The following FHOD3 variants were observed in gnomAD, a reference collection of about 807,000 sequenced individuals.
The protein encoded by FHOD3 is FH1/FH2 domain-containing protein 3.
A neutral mutation model predicts 173.0 loss-of-function variants in FHOD3; 90 were observed. That is an observed-to-expected ratio of 0.52 (90% CI 0.44 to 0.62). The LOEUF is 0.62. FHOD3 is among the 20% of genes least tolerant of loss of function. The pLI is 0.00. For synonymous variants in FHOD3, 828 were observed against 823.0 expected (o/e 1.01, Z -0.10); for missense variants, 1,945 against 2,034.7 (o/e 0.96, Z 0.85).
Position 36,649,392 on chromosome 18 carries a change from C to T in FHOD3, c.1273C>T (p.Gln425Ter). ...EEEREDDASC[Q>*]GKDSKVGAAS... ...AGAGAGAGAGGATGATGCTTCCTGT[C>T]AGGGCAAGGACAGGTACCTAGGACT... Residue 425 changes from glutamine to a stop codon, truncating the protein, a stop_gained, in exon 11 of 29, where the codon CAG becomes TAG. Coordinates refer to ENST00000590592, the MANE Select transcript of FHOD3 (RefSeq NM_001281740.3). LOFTEE classifies it high-confidence loss of function. 3 of 1,535,520 alleles carry T rather than the reference C, an allele frequency of 2.0e-6. No individual in the cohort carries two copies. The highest frequency in any genetic ancestry group is 2.6e-6 in the Non-Finnish European group (3 of 1,146,612).
chr18:36,390,302 G>A (rs1250445326), intron 3 of FHOD3, among the ~76,000 whole-genome samples: 1 of 152,176 alleles, frequency 6.6e-6, no homozygotes, highest in Non-Finnish European at 1.5e-5. Flanking sequence ...GCTTGGAGGA[G>A]CATGGCTGTG....
At chr18:36,543,255 T>C (rs200926480) in intron 5 of FHOD3, among the ~76,000 whole-genome samples, 13,346 of 152,154 alleles carry the variant, frequency 0.088, 723 homozygotes, top group South Asian at 0.22. Flanking sequence ...TGTGTATATA[T>C]ACATATTATA....
At chr18:36,485,112 C>G (rs892561237) in intron 3 of FHOD3, among the ~76,000 whole-genome samples, 1 of 151,232 alleles carries the variant, frequency 6.6e-6, no homozygotes, top group Non-Finnish European at 1.5e-5. Context: ...GTCTTCACAG[C>G]CAACAAGAAC....
chr18:36,562,445 G>T (rs920720414), intron 5 of FHOD3, among the ~76,000 whole-genome samples: 1 of 152,240 alleles, frequency 6.6e-6, no homozygotes, highest in South Asian at 2.1e-4. Context: ...TATGTTGCAT[G>T]ATATGATTTA....
rs545624410 is a variant in FHOD3, at chr18:36,625,569, G to A, written c.1016G>A (p.Arg339Gln). 105 of 1,527,728 alleles carry A rather than the reference G, an allele frequency of 6.9e-5. 2 individuals carry two copies. In the South Asian group the frequency reaches 1.0e-3, roughly 15 times the overall value. 94.6% of individuals were successfully genotyped at this position (1,527,728 alleles called of 1,614,324 possible). The change falls in exon 10 of 29, where the codon CGG becomes CAG. Residue 339 changes from arginine (R) to glutamine (Q), a missense_variant. Arg to Gln is a conservative substitution (Grantham distance 43, BLOSUM62 1). Around this residue, in one of 5 missense-constraint regions of FHOD3, gnomAD observed 1,099 missense variants for 1,051.2 expected, o/e 1.05. Coordinates refer to ENST00000590592, the MANE Select transcript of FHOD3 (RefSeq NM_001281740.3). ...ACGGAGCCACCCCCCAGTGGGTGCC[G>A]GGACCGGAGGAGGGCCAGCGTGTGT... Reference protein sequence around the residue: ...ETTEPPPSGCRDRRRASVCSS... With the variant: ...ETTEPPPSGCQDRRRASVCSS...
chr18:36,543,283 T>C (rs1181267974), intron 5 of FHOD3, among the ~76,000 whole-genome samples: 1 of 152,170 alleles, frequency 6.6e-6, no homozygotes, highest in Non-Finnish European at 1.5e-5. Flanking sequence ...CAATATACTT[T>C]ATATAAATAT....
At chr18:36,523,357 G>A (rs1397511567) in intron 5 of FHOD3, among the ~76,000 whole-genome samples, 1 of 152,198 alleles carries the variant, frequency 6.6e-6, no homozygotes, top group Non-Finnish European at 1.5e-5. Context: ...AGTGGTTTTT[G>A]ACTGAAGACA....
In FHOD3 at chr18:36,652,829, C is replaced by T; in HGVS notation, c.1546C>T (p.Pro516Ser). The change falls in exon 12 of 29, where the codon CCC (proline) becomes TCC (serine). Residue 516 changes from proline to serine, a missense_variant. Pro to Ser is a moderately conservative substitution (Grantham distance 74). This residue lies in a region of FHOD3 where 1,099 missense variants were observed against 1,051.2 expected (regional missense o/e 1.05). Coordinates refer to ENST00000590592, the MANE Select transcript of FHOD3 (RefSeq NM_001281740.3). ...GGTGTCACCGACCATAGACAAGCTGCCCTACGTGCCCCACAGCCCCTTCCA... is the reference window on the plus strand; with the variant it reads ...GGTGTCACCGACCATAGACAAGCTGTCCTACGTGCCCCACAGCCCCTTCCA... ...LKVSPTIDKL[P>S]YVPHSPFHLF... 6.5e-7 allele frequency: 1 copy of T among 1,536,014 alleles called. No individual in the cohort carries two copies. The highest frequency in any genetic ancestry group is 8.7e-7 in the Non-Finnish European group (1 of 1,146,746).
At chr18:36,356,671 T>C (rs915666762) in intron 2 of FHOD3, among the ~76,000 whole-genome samples, 1 of 151,784 alleles carries the variant, frequency 6.6e-6, no homozygotes, top group Non-Finnish European at 1.5e-5. Flanking sequence ...AATCTCGCTC[T>C]GTCACCCAGG....
intron 3 of FHOD3, among the ~76,000 whole-genome samples, chr18:36,460,703 A>G (rs1247720219): frequency 6.6e-6 from 1 of 152,152 alleles, no homozygotes; most frequent in Non-Finnish European, 1.5e-5. Context: ...TTGAATCCTG[A>G]TTCCCCCATT....
chr18:36,625,854 C>T, intron 10 of FHOD3, 105 bp downstream of exon 10: 1 of 927,752 alleles, frequency 1.1e-6, no homozygotes, highest in Non-Finnish European at 1.6e-6. Flanking sequence ...TTGTCCCCCA[C>T]CCAGCATTGC....
intron 5 of FHOD3, among the ~76,000 whole-genome samples, chr18:36,516,408 C>T (rs1306070821): frequency 6.6e-6 from 1 of 152,202 alleles, no homozygotes; most frequent in Non-Finnish European, 1.5e-5. Context: ...TGCATTGTGG[C>T]TTCCAAGGGA....
At chr18:36,323,165 G>A (rs1467433803) in intron 1 of FHOD3, among the ~76,000 whole-genome samples, 1 of 152,170 alleles carries the variant, frequency 6.6e-6, no homozygotes, top group Non-Finnish European at 1.5e-5. Flanking sequence ...ACTCAGAAAG[G>A]GGGCACCCGG....
intron 7 of FHOD3, among the ~76,000 whole-genome samples, chr18:36,600,349 G>A (rs1335745789): frequency 1.3e-5 from 2 of 151,948 alleles, no homozygotes; most frequent in Non-Finnish European, 2.9e-5. Context: ...GAGAGTGAGT[G>A]GACCCCATAA....
intron 4 of FHOD3, 105 bp downstream of exon 4, chr18:36,502,104 G>T: frequency 1.6e-6 from 1 of 620,476 alleles, no homozygotes. Flanking sequence ...GACAAATTTA[G>T]ATTACAATAT....
At chr18:36,605,180 C>T (rs1205412087) in intron 8 of FHOD3, among the ~76,000 whole-genome samples, 4 of 152,196 alleles carry the variant, frequency 2.6e-5, no homozygotes, top group African/African-American at 9.7e-5. Flanking sequence ...TTAAAGTCAT[C>T]TATTTCCTGT....
intron 3 of FHOD3, among the ~76,000 whole-genome samples, chr18:36,484,354 C>CCTT (rs34358227): frequency 0.1 from 15,388 of 152,134 alleles, 860 homozygotes; most frequent in East Asian, 0.22. Context: ...TGCGTGGACT[C>CCTT]CTATGTCTCT....
chr18:36,298,296 C>T lies in FHOD3; in HGVS notation c.165+296C>T, dbSNP rs1388989696. 4.0e-5 allele frequency among the ~76,000 whole-genome samples: 6 copies of T among 151,666 alleles called. No homozygotes were observed. The East Asian group carries it at 9.8e-4, about 25-fold the overall frequency. On this transcript the variant is annotated intron_variant, in intron 1 of 28. Transcript: ENST00000590592. The stretch of plus-strand genomic sequence containing the variant: ...ATGGAGAAGGCTCCCCCGAGCCGCG[C>T]CGTTAGCTCGGCCGGGTGGGCGGGG...
intron 1 of FHOD3, among the ~76,000 whole-genome samples, chr18:36,329,872 A>G (rs897711568): frequency 6.6e-6 from 1 of 152,246 alleles, no homozygotes; most frequent in East Asian, 1.9e-4. Flanking sequence ...CCTGAGACTT[A>G]CAAAGGGCAA....
Sources: gnomAD v4.1 joint callset for allele counts (sites outside exome capture counted in the v4.1 genomes callset) on GRCh38, gnomAD v4.1.1 for gene constraint, gnomAD v4.1.1 regional missense constraint, MANE v1.5 for transcripts, NCBI Gene and HGNC (gene_info 2026-07-23, HGNC 2026-07-21) for gene names.